URB2: variants seen among roughly 807,000 people sequenced by gnomAD.
The protein encoded by URB2 is URB2 ribosome biogenesis homolog.
URB2 carries 86 observed loss-of-function variants against 120.9 expected under a neutral mutation model. The ratio of observed to expected loss-of-function variants is 0.71; its 90% CI spans 0.60 to 0.85. The LOEUF is 0.85. Ranked by LOEUF, URB2 falls within the 40% of genes least tolerant of loss-of-function variation. The pLI, the probability that URB2 is intolerant of heterozygous loss-of-function variation, is 0.00. For missense variants in URB2, 1,765 were observed against 1,836.5 expected, an observed-to-expected ratio of 0.96 and a Z score of 0.71; for synonymous variants, 755 against 758.4, an observed-to-expected ratio of 1.00 and a Z score of 0.07.
Position 229,635,818 on chromosome 1 carries a change from A to G in URB2, c.1205A>G (p.Gln402Arg), listed in dbSNP as rs1169157077. Residue 402 changes from glutamine (Q) to arginine (R), a missense_variant, in exon 4 of 10, where the codon CAA (glutamine) becomes CGA (arginine). Transcript: ENST00000258243. ...GCTGAGCTGCTGATAAACCATGCACAAGCACCCATACCGGCCTGGTTCCGC... is the reference window on the plus strand; with the variant it reads ...GCTGAGCTGCTGATAAACCATGCACGAGCACCCATACCGGCCTGGTTCCGC... ...HVAELLINHAQAPIPAWFRCL... is the reference protein window; with the variant it reads ...HVAELLINHARAPIPAWFRCL... The G allele has an allele frequency of 2.5e-6, 4 of 1,614,112 alleles. No individual in the cohort carries two copies. In the South Asian group the frequency reaches 3.3e-5, roughly 13 times the overall value.
At position 229,637,206 on chromosome 1, in the gene URB2, G is replaced by T; in HGVS notation, c.2593G>T (p.Glu865Ter). ...TGCAAAAGCTGGACCCGAAGGTATA[G>T]AACCTAGAGGAGAAATTGCCCAGAA... The part of the protein sequence containing the change: ...RFAKAGPEGI[E>*]PRGEIAQNLL... The change falls in exon 4 of 10, where the codon GAA becomes TAA. Residue 865 changes from glutamate (E) to a stop codon, truncating the protein, a stop_gained. Transcript: ENST00000258243. LOFTEE classifies it high-confidence loss of function. 1 of 1,613,810 alleles carries T rather than the reference G, an allele frequency of 6.2e-7. No individual in the cohort carries two copies. The highest frequency in any genetic ancestry group is 8.5e-7 in the Non-Finnish European group (1 of 1,179,744).
At chr1:229,652,890 T>G (rs1276979382) in intron 8 of URB2, among the ~76,000 whole-genome samples, 1 of 152,276 alleles carries the variant, frequency 6.6e-6, no homozygotes, top group Non-Finnish European at 1.5e-5. Context: ...GCTGTGTTCA[T>G]GTGAAGGTAG....
At position 229,637,929 on chromosome 1, in the gene URB2, G is replaced by T. The variant is rs766418966; in HGVS notation, c.3316G>T (p.Gly1106Trp). 5.6e-6 allele frequency: 9 copies of T among 1,612,514 alleles called. No homozygotes were observed. The East Asian group carries it at 2.0e-4, about 36-fold the overall frequency. The change falls in exon 4 of 10, where the codon GGG becomes TGG. Residue 1106 changes from glycine (G) to tryptophan (W), a missense_variant. Physicochemically the swap from Gly to Trp is radical, Grantham distance 184. Coordinates refer to ENST00000258243, the MANE Select transcript of URB2 (RefSeq NM_014777.4). The stretch of plus-strand genomic sequence containing the variant: ...TGTGCTGCAGCTCTGCTCAGTGCCG[G>T]GGGCCCGGGGCTGGCGCCTTCCCTC... ...GAVLQLCSVP[G>W]ARGWRLPSVL...
rs1360851941 is a variant in URB2 at position 229,637,001 on chromosome 1, T to A, written c.2388T>A (p.Leu796=). The change falls in exon 4 of 10, where the codon CTT becomes CTA. Residue 796 remains leucine, a synonymous_variant. Coordinates refer to ENST00000258243, the MANE Select transcript of URB2 (RefSeq NM_014777.4). ...ITLEKISKAF[L]HSPLFPEMQS... ...TGGAAAAAATATCCAAAGCCTTCCT[T>A]CATAGCCCTCTCTTTCCAGAGATGC... 6.2e-7 allele frequency: 1 copy of A among 1,614,052 alleles called. No homozygotes were observed. The highest frequency in any genetic ancestry group is 1.7e-5 in the Admixed American group (1 of 60,026).
At chr1:229,645,012 G>A (rs1184945643) in intron 5 of URB2, among the ~76,000 whole-genome samples, 1 of 152,164 alleles carries the variant, frequency 6.6e-6, no homozygotes. Context: ...CTGGCCGGGT[G>A]CGGTGGCTCA....
chr1:229,658,240 AGT>A (rs1386983562), intron 9 of URB2, among the ~76,000 whole-genome samples: 1 of 152,160 alleles, frequency 6.6e-6, no homozygotes, highest in Non-Finnish European at 1.5e-5. Flanking sequence ...GGATGTGGTA[AGT>A]GTGAAGAGAA....
At chr1:229,656,814 T>C (rs555914792) in intron 9 of URB2, among the ~76,000 whole-genome samples, 2 of 152,300 alleles carry the variant, frequency 1.3e-5, no homozygotes, top group Middle Eastern at 6.8e-3. Flanking sequence ...TGCAGGGAAA[T>C]TATGGTTACT....
At chr1:229,643,714 T>C (rs1362311350) in intron 5 of URB2, 21 bp downstream of exon 5, 2 of 1,603,498 alleles carry the variant, frequency 1.2e-6, no homozygotes, top group East Asian at 2.2e-5. Context: ...TCTCCCTCCT[T>C]GTGTGGCAGG....
chr1:229,637,713 A>C lies in URB2; in HGVS notation c.3100A>C (p.Lys1034Gln). 6.2e-7 allele frequency: 1 copy of C among 1,614,228 alleles called. No homozygotes were observed. The highest frequency in any genetic ancestry group is 8.5e-7 in the Non-Finnish European group (1 of 1,180,050). Residue 1034 changes from lysine (K) to glutamine (Q), a missense_variant, in exon 4 of 10, where the codon AAA (lysine) becomes CAA (glutamine). Transcript: ENST00000258243. The stretch of plus-strand genomic sequence containing the variant: ...AATCACCGCATTCCTCTCTAGTTCC[A>C]AACCATACACGGAGGCAGCTTCAAG... Reference protein sequence around the residue: ...RKITAFLSSSKPYTEAASSKQ... With the variant: ...RKITAFLSSSQPYTEAASSKQ...
intron 4 of URB2, among the ~76,000 whole-genome samples, chr1:229,638,762 A>G (rs1180083766): frequency 1.3e-5 from 2 of 152,200 alleles, no homozygotes; most frequent in African/African-American, 4.8e-5. Flanking sequence ...TTACTGCTAC[A>G]ACGGTTTCCT....
intron 2 of URB2, among the ~76,000 whole-genome samples, chr1:229,631,213 C>A (rs1319569172): frequency 1.3e-5 from 2 of 152,192 alleles, no homozygotes; most frequent in African/African-American, 2.4e-5. Flanking sequence ...AGCCTCCTTA[C>A]TTCTCTCAGC....
intron 7 of URB2, among the ~76,000 whole-genome samples, chr1:229,650,062 A>G (rs535678973): frequency 1.3e-5 from 2 of 152,256 alleles, no homozygotes; most frequent in Non-Finnish European, 2.9e-5. Flanking sequence ...GTAATTTGAC[A>G]TGACGAATGT....
At chr1:229,652,718 C>T (rs955354987) in intron 8 of URB2, among the ~76,000 whole-genome samples, 12 of 152,244 alleles carry the variant, frequency 7.9e-5, no homozygotes, top group Non-Finnish European at 8.8e-5. Context: ...TGTCTGAGCT[C>T]AGCAAGGAGG....
chr1:229,650,716 C>A (rs1490470607), intron 7 of URB2: 1 of 152,200 alleles, frequency 6.6e-6, no homozygotes. Flanking sequence ...TAGGTGGGAG[C>A]TGCTGCGCCC....
Position 229,638,012 on chromosome 1 carries a change from G to T in URB2, c.3399G>T (p.Arg1133Ser). 1 of 1,613,306 alleles carries T rather than the reference G, an allele frequency of 6.2e-7. No homozygotes were observed. The highest frequency in any genetic ancestry group is 8.5e-7 in the Non-Finnish European group (1 of 1,179,490). ...AAGCCGACCTGGGTCAGCACTGCAG[G>T]GATGGAGGGGCCGACATTTCCCAAG... The part of the protein sequence containing the change: ...LLEADLGQHC[R>S]DGGADISQGS... The change falls in exon 4 of 10, where the codon AGG (arginine) becomes AGT (serine). Residue 1133 changes from arginine to serine, a missense_variant. Coordinates refer to ENST00000258243, the MANE Select transcript of URB2 (RefSeq NM_014777.4).
chr1:229,630,531 A>G (rs1665631241), intron 2 of URB2, among the ~76,000 whole-genome samples: 2 of 152,250 alleles, frequency 1.3e-5, no homozygotes, highest in African/African-American at 4.8e-5. Context: ...ACAGAGCACA[A>G]ACAGAGTAGA....
chr1:229,645,837 A>C (rs546795219), intron 5 of URB2, 22 bp from the exon 6 acceptor site: 2 of 1,607,762 alleles, frequency 1.2e-6, no homozygotes, highest in African/African-American at 1.3e-5. Flanking sequence ...TCTGCCGCTA[A>C]GTTTTTTCTC....
intron 2 of URB2, among the ~76,000 whole-genome samples, chr1:229,630,486 G>A (rs560821090): frequency 1.3e-5 from 2 of 152,274 alleles, no homozygotes; most frequent in Admixed American, 6.5e-5. Flanking sequence ...TGCTGTAAAC[G>A]GATATGCTGT....
At chr1:229,644,011 C>T (rs1367373603) in intron 5 of URB2, among the ~76,000 whole-genome samples, 1 of 152,268 alleles carries the variant, frequency 6.6e-6, no homozygotes, top group African/African-American at 2.4e-5. Flanking sequence ...TTGCTGAAGA[C>T]CTCTCACACC....
Sources: gnomAD v4.1 joint callset for allele counts (sites outside exome capture counted in the v4.1 genomes callset) on GRCh38, gnomAD v4.1.1 for gene constraint, MANE v1.5 for transcripts, NCBI Gene and HGNC (gene_info 2026-07-23, HGNC 2026-07-21) for gene names.